Variants in MTMR3 observed in about 807,000 individuals in gnomAD.
MTMR3 encodes the protein phosphatidylinositol-3,5-bisphosphate 3-phosphatase MTMR3.
Under a neutral mutation model 132.4 loss-of-function variants are expected in MTMR3, and 32 were observed. That is an observed-to-expected ratio of 0.24 (90% CI 0.18 to 0.32). The LOEUF (loss-of-function observed/expected upper bound fraction) is 0.32. Ranked by LOEUF, MTMR3 falls within the 10% of genes least tolerant of loss-of-function variation. The probability of loss-of-function intolerance (pLI) is 1.00; values close to 1 mark genes in which losing one functional copy is unlikely to be tolerated. For synonymous variants in MTMR3, 556 were observed against 550.3 expected (o/e 1.01, Z -0.14); for missense variants, 1,216 against 1,489.6 (o/e 0.82, Z 3.02).
At chr22:29,994,270 C>T (rs2067017812) in intron 7 of MTMR3, 1 of 337,840 alleles carries the variant, frequency 3.0e-6, no homozygotes, top group Admixed American at 6.5e-5. Context: ...CCTGCCACCA[C>T]TCAGCATGGA....
At chr22:29,911,499 C>T (rs182214382) in intron 1 of MTMR3, among the ~76,000 whole-genome samples, 6 of 151,912 alleles carry the variant, frequency 3.9e-5, no homozygotes, top group Middle Eastern at 3.4e-3. Flanking sequence ...GCCATGATCA[C>T]GATACTGCAG....
rs2065096091 is a variant in MTMR3, at chr22:29,906,270, GTCTGTCTGTCTGTCTGTCTATCTATCTA to G, written c.-138+22915_-138+22942del. 8.6e-5 allele frequency among the ~76,000 whole-genome samples: 9 copies of G among 104,290 alleles called. No individual in the cohort carries two copies. In the South Asian group the frequency reaches 1.8e-3, roughly 20 times the overall value. 68.4% of individuals were successfully genotyped at this position (104,290 alleles called of 152,430 possible). ...CGTCTGTCTGTCTGTCTGTCTGTCT[GTCTGTCTGTCTGTCTGTCTATCTATCTA>G]TCTATCTATCTATCTATCTATCTAT... is the stretch of plus-strand genomic sequence containing the variant. On this transcript the variant is annotated intron_variant, in intron 1 of 19. Transcript: ENST00000401950.
intron 8 of MTMR3, 78 bp from the exon 9 acceptor site, chr22:30,002,802 A>C (rs1346443062): frequency 1.9e-6 from 2 of 1,055,974 alleles, no homozygotes; most frequent in Non-Finnish European, 1.4e-6. Flanking sequence ...TGGCTCACCT[A>C]GTGTCTCTCT....
chr22:29,985,184 A>G (rs975197757), intron 5 of MTMR3: 1 of 152,212 alleles, frequency 6.6e-6, no homozygotes, highest in Non-Finnish European at 1.5e-5. Flanking sequence ...ACAGGAAAAG[A>G]AGGTCAATTC....
intron 7 of MTMR3, chr22:29,996,846 G>C (rs2067071603): frequency 6.6e-6 from 1 of 152,124 alleles, no homozygotes; most frequent in African/African-American, 2.4e-5. Context: ...TCCCACCTCA[G>C]CCTCTCAAGT....
intron 13 of MTMR3, 127 bp downstream of exon 13, chr22:30,012,690 C>A: frequency 9.7e-7 from 1 of 1,032,980 alleles, no homozygotes; most frequent in Non-Finnish European, 1.4e-6. Flanking sequence ...GGTCATTGTT[C>A]CTTTATGCCA....
intron 2 of MTMR3, among the ~76,000 whole-genome samples, chr22:29,969,927 C>G (rs376468681): frequency 6.6e-6 from 1 of 152,322 alleles, no homozygotes; most frequent in African/African-American, 2.4e-5. Context: ...TTCTCTTGTT[C>G]CCTTGCTTAC....
At chr22:29,896,943 T>G (rs2064913768) in intron 1 of MTMR3, among the ~76,000 whole-genome samples, 1 of 148,526 alleles carries the variant, frequency 6.7e-6, no homozygotes, top group African/African-American at 2.5e-5. Flanking sequence ...ACAAAGCCTG[T>G]CTGTCTCTGA....
intron 13 of MTMR3, 34 bp downstream of exon 13, chr22:30,012,597 C>T: frequency 6.5e-7 from 1 of 1,547,234 alleles, no homozygotes; most frequent in Non-Finnish European, 8.7e-7. Flanking sequence ...GTTGGTACTT[C>T]AGGATGAGCC....
intron 5 of MTMR3, chr22:29,982,929 AAGTT>A (rs1601373326): frequency 7.5e-6 from 1 of 133,070 alleles, no homozygotes; most frequent in East Asian, 2.0e-4. Flanking sequence ...GAACGTTTAA[AAGTT>A]TGTTTGTGTG....
chr22:30,012,691 C>T (rs1474425388), intron 13 of MTMR3, 128 bp downstream of exon 13: 2 of 1,027,554 alleles, frequency 1.9e-6, no homozygotes, highest in Non-Finnish European at 2.8e-6. Context: ...GTCATTGTTC[C>T]TTTATGCCAT....
At chr22:30,014,472 C>T (rs981747981) in intron 14 of MTMR3, 1 of 149,052 alleles carries the variant, frequency 6.7e-6, no homozygotes, top group African/African-American at 2.5e-5. Context: ...TTTCTGCCTC[C>T]TTTGCTGATT....
chr22:29,954,329 G>A (rs9614118), intron 1 of MTMR3, among the ~76,000 whole-genome samples: 1 of 151,926 alleles, frequency 6.6e-6, no homozygotes, highest in Non-Finnish European at 1.5e-5. Flanking sequence ...GTCTCAAGCA[G>A]TCCTCCCACT....
rs118078799 is a variant in MTMR3 at position 29,941,482 on chromosome 22, A to G, written c.-137-15554A>G. On this transcript the variant is annotated intron_variant, in intron 1 of 19. Transcript: ENST00000401950. ...TGCTTAACCTCATAAGCAGTTGCCA[A>G]ACTGTCCTCCAAAGTGGTAATGCCA... Among the ~76,000 whole-genome samples, 204 of 152,254 alleles carry G rather than the reference A, an allele frequency of 1.3e-3. 6 individuals are homozygous for G. In the East Asian group the frequency reaches 0.034, roughly 25 times the overall value.
chr22:29,977,665 T>C (rs2066656078), intron 3 of MTMR3, among the ~76,000 whole-genome samples: 1 of 152,220 alleles, frequency 6.6e-6, no homozygotes, highest in South Asian at 2.1e-4. Context: ...TCACCCAGTT[T>C]CATGAATTAC....
At chr22:29,891,242 A>G (rs1167621116) in intron 1 of MTMR3, among the ~76,000 whole-genome samples, 2 of 151,904 alleles carry the variant, frequency 1.3e-5, no homozygotes, top group Non-Finnish European at 2.9e-5. Flanking sequence ...ATAATTAAAA[A>G]TAAAGTTCAG....
rs1327609910 is a variant in MTMR3, at chr22:30,029,483, T to A, written c.*3682T>A. The A allele has an allele frequency of 6.6e-6, 1 of 152,236 alleles. No individual in the cohort carries two copies. Among genetic ancestry groups the A allele is most frequent in the East Asian group, 1.9e-4 (1 of 5,330 alleles). 9.4% of individuals were successfully genotyped at this position (152,236 alleles called of 1,614,324 possible). ...CTAAAGGAGAATGAACAGAAGGTGC[T>A]GGAGGACCTGTTAAACAATCTCTGG... is the stretch of plus-strand genomic sequence containing the variant. On this transcript the variant is annotated 3_prime_UTR_variant, in exon 20 of 20. Coordinates refer to ENST00000401950, the MANE Select transcript of MTMR3 (RefSeq NM_021090.4).
chr22:29,973,415 G>A (rs142160788), intron 3 of MTMR3, among the ~76,000 whole-genome samples: 69 of 152,128 alleles, frequency 4.5e-4, no homozygotes, highest in African/African-American at 1.6e-3. Context: ...TACCCTTTTG[G>A]CAATAATCCC....
chr22:29,908,343 C>G (rs1218693021), intron 1 of MTMR3, among the ~76,000 whole-genome samples: 1 of 152,188 alleles, frequency 6.6e-6, no homozygotes, highest in African/African-American at 2.4e-5. Flanking sequence ...CTACTGCTTC[C>G]TGCTAGAACA....
Sources: gnomAD v4.1 joint callset for allele counts (sites outside exome capture counted in the v4.1 genomes callset) on GRCh38, gnomAD v4.1.1 for gene constraint, MANE v1.5 for transcripts, NCBI Gene and HGNC (gene_info 2026-07-23, HGNC 2026-07-21) for gene names.